Variants in ARHGAP24 observed in about 807,000 individuals in gnomAD.
ARHGAP24 encodes Rho GTPase activating protein 24.
Under a neutral mutation model 76.4 loss-of-function variants are expected in ARHGAP24, and 50 were observed. The observed-to-expected ratio is 0.65, with a 90% CI of 0.52 to 0.83. The LOEUF (loss-of-function observed/expected upper bound fraction) is 0.83. Ranked by LOEUF, ARHGAP24 falls within the 40% of genes least tolerant of loss-of-function variation. The pLI is 0.00. For synonymous variants in ARHGAP24, 345 were observed against 323.3 expected, an observed-to-expected ratio of 1.07 and a Z score of -0.72; for missense variants, 930 against 914.2, an observed-to-expected ratio of 1.02 and a Z score of -0.22.
chr4:85,671,183 G>A (rs769236759), intron 2 of ARHGAP24, among the ~76,000 whole-genome samples: 4 of 151,750 alleles, frequency 2.6e-5, no homozygotes, highest in Non-Finnish European at 4.4e-5. Flanking sequence ...TTAATGCCTC[G>A]GTGCCTTTAC....
intron 1 of ARHGAP24, among the ~76,000 whole-genome samples, chr4:85,550,687 A>G (rs1466235168): frequency 6.6e-6 from 1 of 152,074 alleles, no homozygotes. Flanking sequence ...CTGAGCATGG[A>G]ATGTTTTTCC....
rs1491265169 is a variant in ARHGAP24 at position 85,894,097 on chromosome 4, AAT to A, written c.269-29549_269-29548del. Among the ~76,000 whole-genome samples, 359 of 45,028 alleles carry A rather than the reference AAT, an allele frequency of 8.0e-3. 4 individuals carry two copies. Among genetic ancestry groups the A allele is most frequent in the African/African-American group, 0.029 (347 of 12,040 alleles). 29.5% of individuals were successfully genotyped at this position (45,028 alleles called of 152,430 possible). On this transcript the variant is annotated intron_variant, in intron 3 of 9. Transcript: ENST00000395184. ...ACATGTACCCTAAAACTTAGAGTAT[AAT>A]AAAAAAAAAAAAAAAAAGATTTCAG...
chr4:85,994,749 C>G lies in ARHGAP24; in HGVS notation c.1095C>G (p.Asn365Lys). Residue 365 changes from asparagine to lysine, a missense_variant, in exon 9 of 10, where the codon AAC (asparagine) becomes AAG (lysine). Asn to Lys is a moderately conservative substitution (Grantham distance 94). Transcript: ENST00000395184. ...AGTTACAGAACAAGGAGAACAATAA[C>G]ACCAAGGACAGCCCTAGTAGGCAGT... Reference protein sequence around the residue: ...MGQLQNKENNNTKDSPSRQCS... With the variant: ...MGQLQNKENNKTKDSPSRQCS... 1 of 1,614,090 alleles carries G rather than the reference C, an allele frequency of 6.2e-7. No individual in the cohort carries two copies. Among genetic ancestry groups the G allele is most frequent in the South Asian group, 1.1e-5 (1 of 91,080 alleles).
intron 1 of ARHGAP24, among the ~76,000 whole-genome samples, chr4:85,482,362 T>C (rs559229942): frequency 1.2e-4 from 19 of 152,196 alleles, no homozygotes; most frequent in Non-Finnish European, 2.8e-4. Context: ...GGTGACAACT[T>C]ATGCTTTCAT....
chr4:85,587,937 G>A (rs1727927327), intron 2 of ARHGAP24, among the ~76,000 whole-genome samples: 2 of 152,174 alleles, frequency 1.3e-5, no homozygotes, highest in African/African-American at 4.8e-5. Context: ...GACAATACTG[G>A]TGCAGTGGTG....
chr4:85,503,555 T>A (rs10015861), intron 1 of ARHGAP24, among the ~76,000 whole-genome samples: 1 of 152,210 alleles, frequency 6.6e-6, no homozygotes. Context: ...GTGGGATTGG[T>A]GGTGATATGC....
At chr4:85,812,042 G>T (rs1729036770) in intron 3 of ARHGAP24, among the ~76,000 whole-genome samples, 2 of 152,040 alleles carry the variant, frequency 1.3e-5, no homozygotes, top group Non-Finnish European at 1.5e-5. Context: ...CAGGCATGGT[G>T]GTGCACACCT....
chr4:85,693,865 C>T (rs1013932058), intron 2 of ARHGAP24, among the ~76,000 whole-genome samples: 4 of 152,166 alleles, frequency 2.6e-5, no homozygotes, highest in African/African-American at 7.2e-5. Flanking sequence ...CGTGGCTCCA[C>T]GCCTGCTGAA....
intron 2 of ARHGAP24, among the ~76,000 whole-genome samples, chr4:85,628,714 G>A (rs1721059466): frequency 6.6e-6 from 1 of 152,070 alleles, no homozygotes; most frequent in Non-Finnish European, 1.5e-5. Flanking sequence ...CAATTATTAT[G>A]TCTTCTTTGT....
intron 3 of ARHGAP24, among the ~76,000 whole-genome samples, chr4:85,855,841 C>T (rs977162003): frequency 1.3e-5 from 2 of 151,736 alleles, no homozygotes; most frequent in African/African-American, 4.8e-5. Context: ...AGAAGTCCTT[C>T]ATACCCTCAT....
intron 1 of ARHGAP24, among the ~76,000 whole-genome samples, chr4:85,520,391 G>A (rs1000760138): frequency 1.1e-4 from 17 of 152,188 alleles, no homozygotes; most frequent in Admixed American, 5.9e-4. Flanking sequence ...TAACTCTTCC[G>A]ACTTCATCTA....
At chr4:85,591,607 A>G (rs1728113306) in intron 2 of ARHGAP24, among the ~76,000 whole-genome samples, 1 of 152,216 alleles carries the variant, frequency 6.6e-6, no homozygotes, top group Admixed American at 6.5e-5. Flanking sequence ...GCCATTAGTC[A>G]CAAGTCACAT....
chr4:85,676,851 A>G (rs1578132289), intron 2 of ARHGAP24, among the ~76,000 whole-genome samples: 2 of 152,342 alleles, frequency 1.3e-5, no homozygotes, highest in East Asian at 3.9e-4. Context: ...TTTGAAGTAC[A>G]ATAGCATGGT....
At chr4:85,886,559 G>A (rs371504637) in intron 3 of ARHGAP24, among the ~76,000 whole-genome samples, 17 of 152,198 alleles carry the variant, frequency 1.1e-4, no homozygotes, top group South Asian at 2.1e-4. Context: ...CCAAACTTAC[G>A]GAGAGAAAGG....
At chr4:85,859,891 C>T (rs1731792070) in intron 3 of ARHGAP24, among the ~76,000 whole-genome samples, 1 of 152,000 alleles carries the variant, frequency 6.6e-6, no homozygotes, top group Non-Finnish European at 1.5e-5. Flanking sequence ...TTCTTTACCA[C>T]TGTCTCACAA....
At chr4:85,872,686 C>T (rs958826427) in intron 3 of ARHGAP24, among the ~76,000 whole-genome samples, 6 of 147,110 alleles carry the variant, frequency 4.1e-5, no homozygotes, top group African/African-American at 1.5e-4. Context: ...CAACCTCTGC[C>T]TCCCAGGTTC....
intron 2 of ARHGAP24, among the ~76,000 whole-genome samples, chr4:85,644,612 A>G (rs763589658): frequency 3.0e-4 from 46 of 152,264 alleles, no homozygotes; most frequent in South Asian, 6.2e-4. Flanking sequence ...TTTATTTGAT[A>G]TTAAAATAAT....
At chr4:85,647,904 G>T (rs1721781945) in intron 2 of ARHGAP24, among the ~76,000 whole-genome samples, 1 of 152,008 alleles carries the variant, frequency 6.6e-6, no homozygotes, top group Admixed American at 6.6e-5. Flanking sequence ...TATTCATTTT[G>T]TGTCTGTTTT....
At chr4:85,839,843 C>CTTTTTTTTTTTT (rs33974767) in intron 3 of ARHGAP24, among the ~76,000 whole-genome samples, 6 of 105,626 alleles carry the variant, frequency 5.7e-5, no homozygotes, top group African/African-American at 7.7e-5. Flanking sequence ...TTTCTGTTTT[C>CTTTTTTTTTTTT]TTTTTTTTTT....
Sources: gnomAD v4.1 joint callset for allele counts (sites outside exome capture counted in the v4.1 genomes callset) on GRCh38, gnomAD v4.1.1 for gene constraint, MANE v1.5 for transcripts, NCBI Gene and HGNC (gene_info 2026-07-23, HGNC 2026-07-21) for gene names.